The following IL1RAPL1 variants were observed in gnomAD, a reference collection of about 807,000 sequenced individuals.
IL1RAPL1 encodes interleukin 1 receptor accessory protein like 1, also known as interleukin-1 receptor accessory protein-like 1.
IL1RAPL1 carries 3 observed loss-of-function variants against 48.4 expected under a neutral mutation model. The ratio of observed to expected loss-of-function variants is 0.06; its 90% CI spans 0.03 to 0.16. IL1RAPL1 has a LOEUF of 0.16. IL1RAPL1 is among the 10% of genes least tolerant of loss of function. The pLI is 1.00. For synonymous variants in IL1RAPL1, 185 were observed against 187.7 expected, an observed-to-expected ratio of 0.99 and a Z score of 0.12; for missense variants, 349 against 530.6, an observed-to-expected ratio of 0.66 and a Z score of 3.36.
intron 2 of IL1RAPL1, among the ~76,000 whole-genome samples, chrX:28,973,047 CA>C (rs1174468012): frequency 8.9e-6 from 1 of 111,932 alleles, no homozygotes; most frequent in Non-Finnish European, 1.9e-5. Context: ...AGGTTCTGTG[CA>C]AATGTCTCTT....
At chrX:29,831,157 T>C (rs1048100664) in intron 6 of IL1RAPL1, among the ~76,000 whole-genome samples, 61 of 111,735 alleles carry the variant, frequency 5.5e-4, no homozygotes, top group African/African-American at 2.0e-3. Flanking sequence ...CGTTTACCAA[T>C]TGTGTTTATT....
intron 2 of IL1RAPL1, among the ~76,000 whole-genome samples, chrX:28,907,540 C>G (rs1923250348): frequency 8.8e-6 from 1 of 113,041 alleles, no homozygotes; most frequent in Admixed American, 9.3e-5. Flanking sequence ...CAGGCGCAAG[C>G]CACTGTGCCC....
At chrX:29,176,085 C>CTTT (rs752040172) in intron 2 of IL1RAPL1, among the ~76,000 whole-genome samples, 9 of 75,749 alleles carry the variant, frequency 1.2e-4, no homozygotes, top group Non-Finnish European at 1.8e-4. Flanking sequence ...TGGTAATTTG[C>CTTT]TTTTTTTTTT....
intron 1 of IL1RAPL1, among the ~76,000 whole-genome samples, chrX:28,609,791 T>A (rs1934127101): frequency 1.8e-5 from 2 of 110,538 alleles, no homozygotes; most frequent in South Asian, 7.8e-4. Flanking sequence ...GTAGAATGTG[T>A]TATCCAATAA....
chrX:29,028,315 C>T (rs1432292654), intron 2 of IL1RAPL1, among the ~76,000 whole-genome samples: 14 of 87,283 alleles, frequency 1.6e-4, no homozygotes, highest in African/African-American at 4.3e-4. Flanking sequence ...TTTTTTGAGA[C>T]GGAGTCTTGC....
At chrX:29,847,004 C>T (rs1309133638) in intron 6 of IL1RAPL1, among the ~76,000 whole-genome samples, 6 of 110,754 alleles carry the variant, frequency 5.4e-5, no homozygotes, top group African/African-American at 1.6e-4. Context: ...AAAAGAAAAT[C>T]TCAGTTGTGG....
intron 1 of IL1RAPL1, among the ~76,000 whole-genome samples, chrX:28,780,641 G>T (rs1457068547): frequency 9.1e-6 from 1 of 110,091 alleles, no homozygotes; most frequent in Non-Finnish European, 1.9e-5. Context: ...AAATTTTAAA[G>T]AGGCATAAAT....
chrX:29,525,752 A>G (rs1464309391), intron 5 of IL1RAPL1, among the ~76,000 whole-genome samples: 1 of 111,561 alleles, frequency 9.0e-6, no homozygotes, highest in African/African-American at 3.3e-5. Flanking sequence ...GTGCTGGGGG[A>G]GAGATATAGG....
At chrX:29,746,773 A>G (rs150348315) in intron 6 of IL1RAPL1, among the ~76,000 whole-genome samples, 7,227 of 111,428 alleles carry the variant, frequency 0.065, 588 homozygotes, top group African/African-American at 0.23. Flanking sequence ...ATGCCTGGCT[A>G]ATTTTTGTAT....
intron 2 of IL1RAPL1, among the ~76,000 whole-genome samples, chrX:28,795,945 A>G (rs1321056734): frequency 1.8e-5 from 2 of 111,522 alleles, no homozygotes; most frequent in Non-Finnish European, 3.8e-5. Flanking sequence ...TTTATAAAAT[A>G]AAGAGGTTTA....
intron 6 of IL1RAPL1, among the ~76,000 whole-genome samples, chrX:29,673,609 C>T (rs1049343809): frequency 8.0e-5 from 9 of 111,921 alleles, no homozygotes; most frequent in African/African-American, 2.9e-4. Context: ...GTTCTTTTTG[C>T]CCATTTAAGA....
chrX:29,639,307 T>C (rs1925087108), intron 5 of IL1RAPL1, among the ~76,000 whole-genome samples: 1 of 112,085 alleles, frequency 8.9e-6, no homozygotes, highest in African/African-American at 3.2e-5. Context: ...AATTGTCCTC[T>C]TAGATTGTTA....
chrX:28,862,194 ATT>A (rs760285851), intron 2 of IL1RAPL1, among the ~76,000 whole-genome samples: 1 of 112,172 alleles, frequency 8.9e-6, no homozygotes, highest in Admixed American at 9.5e-5. Flanking sequence ...CATTCATACA[ATT>A]TATTGTGTGC....
chrX:28,746,532 TAAA>T (rs907076660), intron 1 of IL1RAPL1, among the ~76,000 whole-genome samples: 3 of 111,733 alleles, frequency 2.7e-5, no homozygotes, highest in African/African-American at 9.7e-5. Flanking sequence ...CCACTTTCTG[TAAA>T]AAAGATTATT....
At chrX:29,019,454 T>C (rs982323285) in intron 2 of IL1RAPL1, among the ~76,000 whole-genome samples, 2 of 111,278 alleles carry the variant, frequency 1.8e-5, no homozygotes, top group Admixed American at 1.9e-4. Context: ...GAACACTGCA[T>C]TTAGTGATGA....
intron 5 of IL1RAPL1, among the ~76,000 whole-genome samples, chrX:29,571,288 T>C (rs940305284): frequency 5.4e-5 from 6 of 111,604 alleles, no homozygotes; most frequent in African/African-American, 2.0e-4. Context: ...CTTCACATTT[T>C]AATGCTGATT....
chrX:29,236,960 G>A (rs73631641), intron 2 of IL1RAPL1, among the ~76,000 whole-genome samples: 7,293 of 109,796 alleles, frequency 0.066, 638 homozygotes, highest in African/African-American at 0.23. Context: ...CATCTGTGTT[G>A]CACTGGTATT....
chrX:28,739,086 A>T (rs1478141564), intron 1 of IL1RAPL1, among the ~76,000 whole-genome samples: 3 of 111,201 alleles, frequency 2.7e-5, no homozygotes, highest in Non-Finnish European at 5.7e-5. Flanking sequence ...CAAGATACCT[A>T]CACAGCATTC....
chrX:29,555,965 T>C (rs1921987308), intron 5 of IL1RAPL1, among the ~76,000 whole-genome samples: 1 of 112,219 alleles, frequency 8.9e-6, no homozygotes, highest in African/African-American at 3.2e-5. Context: ...CTTGCTTGGC[T>C]AAAAAGCAAG....
Sources: gnomAD v4.1 joint callset for allele counts (sites outside exome capture counted in the v4.1 genomes callset) on GRCh38, gnomAD v4.1.1 for gene constraint, MANE v1.5 for transcripts, NCBI Gene and HGNC (gene_info 2026-07-23, HGNC 2026-07-21) for gene names.